EMP2: variants seen among roughly 807,000 people sequenced by gnomAD.
EMP2 encodes the protein epithelial membrane protein 2.
EMP2 carries 19 observed loss-of-function variants against 13.7 expected under a neutral mutation model. The observed-to-expected ratio is 1.38, with a 90% CI of 0.97 to 2.03. The LOEUF (loss-of-function observed/expected upper bound fraction) is 2.03. Ranked by LOEUF, EMP2 falls within the 30% of genes most tolerant of loss-of-function variation. EMP2 has a pLI of 0.00. For missense variants in EMP2, 253 were observed against 220.7 expected (o/e 1.15, Z -0.93); for synonymous variants, 97 against 84.7 (o/e 1.15, Z -0.80).
At chr16:10,550,274 T>A (rs905269528) in intron 1 of EMP2, among the ~76,000 whole-genome samples, 47 of 152,280 alleles carry the variant, frequency 3.1e-4, no homozygotes, top group African/African-American at 9.9e-4. Flanking sequence ...CAGTCCATAG[T>A]CAAATTTCCC....
intron 1 of EMP2, among the ~76,000 whole-genome samples, chr16:10,573,311 C>T (rs1324753249): frequency 6.6e-6 from 1 of 152,154 alleles, no homozygotes; most frequent in Non-Finnish European, 1.5e-5. Context: ...CTAACCCTCC[C>T]AAAATTCTAA....
intron 1 of EMP2, among the ~76,000 whole-genome samples, chr16:10,567,711 G>T (rs963925603): frequency 4.6e-5 from 7 of 152,230 alleles, no homozygotes; most frequent in Middle Eastern, 3.4e-3. Flanking sequence ...CCCCAAAGAG[G>T]ACTGCCAGGG....
chr16:10,539,841 C>T (rs1408102061), intron 3 of EMP2, among the ~76,000 whole-genome samples: 1 of 152,096 alleles, frequency 6.6e-6, no homozygotes, highest in Non-Finnish European at 1.5e-5. Context: ...ATATGGAGCC[C>T]AAGTGGTGAC....
At chr16:10,570,275 G>C (rs554011386) in intron 1 of EMP2, among the ~76,000 whole-genome samples, 1 of 150,786 alleles carries the variant, frequency 6.6e-6, no homozygotes, top group Non-Finnish European at 1.5e-5. Context: ...ACCCAGGCTG[G>C]AGTGCAGTGG....
chr16:10,539,187 C>A (rs7184187), intron 3 of EMP2, among the ~76,000 whole-genome samples: 3 of 151,980 alleles, frequency 2.0e-5, no homozygotes, highest in Non-Finnish European at 4.4e-5. Flanking sequence ...CAAAAGATAA[C>A]GTGAGGGGAC....
chr16:10,572,049 T>C (rs2050952063), intron 1 of EMP2, among the ~76,000 whole-genome samples: 1 of 152,174 alleles, frequency 6.6e-6, no homozygotes. Flanking sequence ...CAAAACATCA[T>C]ATCACCTGAT....
In EMP2 at chr16:10,547,490, T is replaced by C. The variant is rs7184999; in HGVS notation, c.78+50A>G. On this transcript the variant is annotated intron_variant, in intron 2 of 4. Transcript: ENST00000359543. Reference sequence around the variant, plus strand: ...AACAGACCAATACAACCCACTTCTATTGACTGCAGGACCCAGGTTTCTGCG... The same window carrying C: ...AACAGACCAATACAACCCACTTCTACTGACTGCAGGACCCAGGTTTCTGCG... 70,286 of 1,592,728 alleles carry C rather than the reference T, an allele frequency of 0.044. 3,309 individuals carry two copies. The highest frequency in any genetic ancestry group is 0.25 in the African/African-American group (18,255 of 74,474).
chr16:10,574,565 A>ATT (rs34505451), intron 1 of EMP2, among the ~76,000 whole-genome samples: 253 of 145,686 alleles, frequency 1.7e-3, no homozygotes, highest in African/African-American at 6.1e-3. Flanking sequence ...AAAATTATAC[A>ATT]TTTTTTTTTT....
chr16:10,535,922 A>G (rs895408963), intron 4 of EMP2, among the ~76,000 whole-genome samples: 1 of 152,128 alleles, frequency 6.6e-6, no homozygotes, highest in Admixed American at 6.5e-5. Flanking sequence ...TGGCTCAGGG[A>G]CAGGAGTACA....
intron 1 of EMP2, among the ~76,000 whole-genome samples, chr16:10,577,035 A>T (rs2050988697): frequency 6.6e-6 from 1 of 152,146 alleles, no homozygotes; most frequent in Admixed American, 6.5e-5. Flanking sequence ...ACGTGCTATA[A>T]GGGTCCCAGG....
chr16:10,571,707 T>C (rs2142210525), intron 1 of EMP2, among the ~76,000 whole-genome samples: 1 of 152,300 alleles, frequency 6.6e-6, no homozygotes, highest in Non-Finnish European at 1.5e-5. Context: ...GTCATGGAGC[T>C]TGTGCAATTG....
rs2050967903 is a variant in EMP2 at position 10,574,329 on chromosome 16, T to G, written c.-61+6220A>C. Among the ~76,000 whole-genome samples the G allele has an allele frequency of 2.0e-5, 3 of 152,302 alleles. No homozygotes were observed. In the South Asian group the frequency reaches 6.2e-4, roughly 32 times the overall value. ...CTTTTCCTTTTCTCTATTTCTCACC[T>G]ATCATTGGATATTCTATTCCAATAA... On this transcript the variant is annotated intron_variant, in intron 1 of 4. Transcript: ENST00000359543.
chr16:10,556,829 T>C (rs1212188643), intron 1 of EMP2, among the ~76,000 whole-genome samples: 1 of 152,196 alleles, frequency 6.6e-6, no homozygotes, highest in African/African-American at 2.4e-5. Context: ...CAGTTCCAAA[T>C]ACAGGGCATT....
intron 1 of EMP2, among the ~76,000 whole-genome samples, chr16:10,574,659 C>G (rs1426479025): frequency 6.6e-6 from 1 of 152,052 alleles, no homozygotes; most frequent in Non-Finnish European, 1.5e-5. Context: ...TCACACCATT[C>G]TCCTGCCTCA....
At chr16:10,565,901 C>T (rs2050903947) in intron 1 of EMP2, among the ~76,000 whole-genome samples, 1 of 152,220 alleles carries the variant, frequency 6.6e-6, no homozygotes, top group African/African-American at 2.4e-5. Context: ...TGGAGTGCTT[C>T]TGATGATATT....
Position 10,547,546 on chromosome 16 carries a change from G to T in EMP2, c.72C>A (p.Val24=), listed in dbSNP as rs776909986. 6.2e-7 allele frequency: 1 copy of T among 1,614,008 alleles called. No individual in the cohort carries two copies. ...TSAALLFIAT[V]DNAWWVGDEF... ...GGCAGGAAAGGAAACTTACATTGTC[G>T]ACGGTGGCAATGAACAGCAAGGCTG... Residue 24 remains valine (V), a synonymous_variant, in exon 2 of 5, where the codon GTC becomes GTA. Coordinates refer to ENST00000359543, the MANE Select transcript of EMP2 (RefSeq NM_001424.6).
Position 10,533,107 on chromosome 16 carries a change from G to T in EMP2, c.317-15C>A. On this transcript the variant is annotated splice_polypyrimidine_tract_variant and intron_variant, in intron 4 of 4. Coordinates refer to ENST00000359543, the MANE Select transcript of EMP2 (RefSeq NM_001424.6). ...GACACACAGACCTGTCAGGAAGAAA[G>T]GTGAATTTTCAATAAATCATGGACC... The T allele has an allele frequency of 6.5e-7, 1 of 1,537,876 alleles. No individual in the cohort carries two copies. The highest frequency in any genetic ancestry group is 1.4e-5 in the African/African-American group (1 of 72,610).
intron 1 of EMP2, among the ~76,000 whole-genome samples, chr16:10,577,038 G>A (rs1277033328): frequency 2.6e-5 from 4 of 152,120 alleles, no homozygotes; most frequent in Non-Finnish European, 5.9e-5. Flanking sequence ...TGCTATAAGG[G>A]TCCCAGGCCC....
At chr16:10,538,172 G>A (rs2050665694) in intron 3 of EMP2, 98 bp from the exon 4 acceptor site, 6 of 1,455,398 alleles carry the variant, frequency 4.1e-6, no homozygotes, top group African/African-American at 2.8e-5. Flanking sequence ...GGTGTGACAG[G>A]AGGCAAACAG....
Sources: allele counts gnomAD v4.1 joint callset (sites outside exome capture counted in the v4.1 genomes callset), GRCh38; gene constraint gnomAD v4.1.1; transcripts MANE v1.5; gene names NCBI Gene and HGNC (gene_info 2026-07-23, HGNC 2026-07-21).